The following FBLN1 variants were observed in gnomAD, a reference collection of about 807,000 sequenced individuals.
FBLN1 encodes the protein fibulin 1.
In FBLN1, 34 loss-of-function variants were observed where a neutral mutation model predicts 89.7. The observed-to-expected ratio is 0.38, with a 90% confidence interval of 0.29 to 0.50. The LOEUF is 0.50. Ranked by LOEUF, FBLN1 falls within the 20% of genes least tolerant of loss-of-function variation. The pLI is 0.92. For synonymous variants in FBLN1, 393 were observed against 391.3 expected (o/e 1.00, Z -0.05); for missense variants, 777 against 988.1 (o/e 0.79, Z 2.86).
chr22:45,547,866 G>C (rs2088652443), intron 12 of FBLN1, among the ~76,000 whole-genome samples: 2 of 152,034 alleles, frequency 1.3e-5, no homozygotes, highest in African/African-American at 4.8e-5. Flanking sequence ...ATGGCTGAGA[G>C]GTAAGGAGGG....
At position 45,550,785 on chromosome 22, in the gene FBLN1, C is replaced by T; in HGVS notation, c.1697+170C>T. 1.1e-6 allele frequency: 1 copy of T among 952,280 alleles called. No individual in the cohort carries two copies. Among genetic ancestry groups the T allele is most frequent in the Non-Finnish European group, 1.7e-6 (1 of 605,688 alleles). The allele number at this position is 952,280 out of a possible 1,614,324, so 59.0% of individuals were successfully genotyped here. On this transcript the variant is annotated intron_variant, in intron 14 of 16. Coordinates refer to ENST00000327858, the MANE Select transcript of FBLN1 (RefSeq NM_006486.3). The surrounding 1 kb of genome is among the most constrained non-coding windows in gnomAD (Gnocchi z 8.4). ...CCCTCAAGCCCCTAAATGCTAGTGA[C>T]ACTGGTCTCGGAAAGTCAAGGGGGT...
At chr22:45,508,556 C>T (rs2088056128) in intron 1 of FBLN1, among the ~76,000 whole-genome samples, 1 of 152,190 alleles carries the variant, frequency 6.6e-6, no homozygotes, top group African/African-American at 2.4e-5. Context: ...CCACCGCGCC[C>T]AGCCAGCCTC....
intron 14 of FBLN1, among the ~76,000 whole-genome samples, chr22:45,560,684 A>G (rs1400418945): frequency 6.6e-6 from 1 of 152,150 alleles, no homozygotes; most frequent in Non-Finnish European, 1.5e-5. Context: ...GACACCCTTA[A>G]TATCCATTCT....
At position 45,537,753 on chromosome 22, in the gene FBLN1, C is replaced by T. The variant is rs901169542; in HGVS notation, c.922+2416C>T. 5.9e-5 allele frequency among the ~76,000 whole-genome samples: 9 copies of T among 152,300 alleles called. No individual in the cohort carries two copies. The highest frequency in any genetic ancestry group is 2.1e-4 in the South Asian group (1 of 4,826). On this transcript the variant is annotated intron_variant, in intron 8 of 16. Coordinates refer to ENST00000327858, the MANE Select transcript of FBLN1 (RefSeq NM_006486.3). This position sits in a 1 kb window ranked among gnomAD's most constrained non-coding sequence, Gnocchi z 5.7. ...CCTGGGGGAGACTTCTGAGCTGGGG[C>T]GCTGTGGCTCAGCTGCCAGTTGGCC...
In FBLN1 at chr22:45,578,735, G is replaced by A. The variant is rs1215266296; in HGVS notation, c.1972+1627G>A. On this transcript the variant is annotated intron_variant, in intron 16 of 16. Transcript: ENST00000327858. The surrounding 1 kb of genome is among the most constrained non-coding windows in gnomAD (Gnocchi z 4.6). ...CCCTGTGCTTGATGCTGGGCCTGCA[G>A]TTGTGGCTGGGACATGGCCCTCAGG... Among the ~76,000 whole-genome samples, 1 of 152,260 alleles carries A rather than the reference G, an allele frequency of 6.6e-6. No individual in the cohort carries two copies. The highest frequency in any genetic ancestry group is 1.9e-4 in the East Asian group (1 of 5,198).
rs1452765227 is a variant in FBLN1 at position 45,549,204 on chromosome 22, C to T, written c.1573+460C>T. On this transcript the variant is annotated intron_variant, in intron 13 of 16. Coordinates refer to ENST00000327858, the MANE Select transcript of FBLN1 (RefSeq NM_006486.3). This position sits in a 1 kb window ranked among gnomAD's most constrained non-coding sequence, Gnocchi z 5.7. The stretch of plus-strand genomic sequence containing the variant: ...CCAATGGCATTGGTTCTGCATTCAG[C>T]CCCCTTTTCTACGAATGCTCTAGGG... 6.6e-6 allele frequency among the ~76,000 whole-genome samples: 1 copy of T among 152,206 alleles called. No homozygotes were observed. Among genetic ancestry groups the T allele is most frequent in the Non-Finnish European group, 1.5e-5 (1 of 68,022 alleles).
Position 45,502,955 on chromosome 22 carries a change from G to GCCGCCGCCCACCGC in FBLN1, c.-27_-14dup. On this transcript the variant is annotated 5_prime_UTR_variant, in exon 1 of 17. Coordinates refer to ENST00000327858, the MANE Select transcript of FBLN1 (RefSeq NM_006486.3). The stretch of plus-strand genomic sequence containing the variant: ...CAGGACCGCGCCCGCGCCTTTGTCC[G>GCCGCCGCCCACCGC]CCGCCGCCCACCGCCCGTCGCCCGC... 1.9e-6 allele frequency: 2 copies of GCCGCCGCCCACCGC among 1,040,770 alleles called. No homozygotes were observed. Among genetic ancestry groups the GCCGCCGCCCACCGC allele is most frequent in the Non-Finnish European group, 2.3e-6 (2 of 852,084 alleles). The allele number at this position is 1,040,770 out of a possible 1,614,324, so 64.5% of individuals were successfully genotyped here.
chr22:45,540,195 T>G lies in FBLN1; in HGVS notation c.923-1034T>G, dbSNP rs184920000. On this transcript the variant is annotated intron_variant, in intron 8 of 16. Transcript: ENST00000327858. The stretch of plus-strand genomic sequence containing the variant: ...AGACCCTGATTCTAGACCTAGGCCC[T>G]GGTTGGCCCCTGACTTCAGCCATGA... Among the ~76,000 whole-genome samples, 498 of 152,336 alleles carry G rather than the reference T, an allele frequency of 3.3e-3. 2 individuals carry two copies. Among genetic ancestry groups the G allele is most frequent in the African/African-American group, 0.011 (458 of 41,574 alleles).
chr22:45,564,189 A>ACC (rs1343951500), intron 14 of FBLN1, among the ~76,000 whole-genome samples: 1 of 151,190 alleles, frequency 6.6e-6, no homozygotes, highest in African/African-American at 2.4e-5. Flanking sequence ...GAGGGCCTTA[A>ACC]CCCCCTGCCT....
Position 45,574,989 on chromosome 22 carries a change from C to A in FBLN1, c.1840+336C>A, listed in dbSNP as rs533161912. 2.6e-5 allele frequency among the ~76,000 whole-genome samples: 4 copies of A among 151,886 alleles called. No individual in the cohort carries two copies. The highest frequency in any genetic ancestry group is 1.9e-4 in the East Asian group (1 of 5,134). ...AGTAAAGACGGGGTTTCACCGTGTT[C>A]GCCAGGATGGTCTCAATCTCCTGAC... On this transcript the variant is annotated intron_variant, in intron 15 of 16. Coordinates refer to ENST00000327858, the MANE Select transcript of FBLN1 (RefSeq NM_006486.3). The surrounding 1 kb of genome is among the most constrained non-coding windows in gnomAD (Gnocchi z 4.1).
At position 45,600,418 on chromosome 22, in the gene FBLN1, A is replaced by C; in HGVS notation, c.2084A>C (p.His695Pro). Residue 695 changes from histidine to proline, a missense_variant, in exon 17 of 17, where the codon CAC becomes CCC. Physicochemically the swap from His to Pro is moderately conservative, Grantham distance 77 (BLOSUM62 -2). Coordinates refer to ENST00000327858, the MANE Select transcript of FBLN1 (RefSeq NM_006486.3). Reference sequence around the variant, plus strand: ...TCCCACCGAAATGTTGTCAACGTCCACATCTTCGTCTCTGAGTACTGGTTC... The same window carrying C: ...TCCCACCGAAATGTTGTCAACGTCCCCATCTTCGTCTCTGAGTACTGGTTC... ...VVSHRNVVNV[H>P]IFVSEYWF 1 of 1,614,140 alleles carries C rather than the reference A, an allele frequency of 6.2e-7. No individual in the cohort carries two copies. Among genetic ancestry groups the C allele is most frequent in the Middle Eastern group, 1.6e-4 (1 of 6,062 alleles).
chr22:45,526,967 C>G (rs1029673694), intron 3 of FBLN1, among the ~76,000 whole-genome samples: 2 of 152,222 alleles, frequency 1.3e-5, no homozygotes, highest in Non-Finnish European at 2.9e-5. Flanking sequence ...ACAGATCTCT[C>G]TGGCAGATGA....
At chr22:45,584,028 G>C (rs938734542) in intron 16 of FBLN1, among the ~76,000 whole-genome samples, 1 of 152,186 alleles carries the variant, frequency 6.6e-6, no homozygotes, top group African/African-American at 2.4e-5. Context: ...ATAAGGCAGG[G>C]GCCCCCAGGA....
Position 45,532,444 on chromosome 22 carries a change from G to A in FBLN1, c.545-619G>A, listed in dbSNP as rs136740. On this transcript the variant is annotated intron_variant, in intron 5 of 16. Transcript: ENST00000327858. The surrounding 1 kb of genome is among the most constrained non-coding windows in gnomAD (Gnocchi z 4.2). ...AGGGCCAGAGAGAGGGGCCCTAGAA[G>A]CAGGCAGGCTGGCAGCAGTTAGAAG... Among the ~76,000 whole-genome samples the A allele has an allele frequency of 0.83, 126,024 of 152,052 alleles. 53,091 individuals are homozygous for A. Among genetic ancestry groups the A allele is most frequent in the East Asian group, 0.96 (4,960 of 5,170 alleles).
At position 45,577,140 on chromosome 22, in the gene FBLN1, G is replaced by C; in HGVS notation, c.1972+32G>C. On this transcript the variant is annotated intron_variant, in intron 16 of 16. Transcript: ENST00000327858. This position sits in a 1 kb window ranked among gnomAD's most constrained non-coding sequence, Gnocchi z 6.6. ...GGCTGGGAATATCAGCTCTATCCAGGCACCCCTCCCCCTCCACCCCGAAAC... is the reference window on the plus strand; with the variant it reads ...GGCTGGGAATATCAGCTCTATCCAGCCACCCCTCCCCCTCCACCCCGAAAC... 1 of 1,612,424 alleles carries C rather than the reference G, an allele frequency of 6.2e-7. No homozygotes were observed. The highest frequency in any genetic ancestry group is 2.2e-5 in the East Asian group (1 of 44,844).
chr22:45,531,373 G>A lies in FBLN1; in HGVS notation c.544+49G>A, dbSNP rs754443811. On this transcript the variant is annotated intron_variant, in intron 5 of 16. Transcript: ENST00000327858. This position sits in a 1 kb window ranked among gnomAD's most constrained non-coding sequence, Gnocchi z 4.9. ...AGTTGGTATTTAAACAAACCCCAAG[G>A]GGCCAGCAAGGTGGCTCAGGCCTGT... The A allele has an allele frequency of 2.4e-5, 37 of 1,533,934 alleles. No homozygotes were observed. The highest frequency in any genetic ancestry group is 3.2e-5 in the Non-Finnish European group (35 of 1,107,602).
chr22:45,596,120 C>T (rs370265317), intron 16 of FBLN1, among the ~76,000 whole-genome samples: 15 of 152,356 alleles, frequency 9.8e-5, no homozygotes, highest in African/African-American at 2.9e-4. Context: ...CCGCCCGCCT[C>T]GGCCTCCCAA....
chr22:45,504,197 A>T (rs955347392), intron 1 of FBLN1, among the ~76,000 whole-genome samples: 2 of 120,266 alleles, frequency 1.7e-5, no homozygotes, highest in African/African-American at 3.2e-5. Context: ...GGGGGATTCC[A>T]GGAAGGGGGC....
chr22:45,546,020 C>T (rs1024427042), intron 11 of FBLN1, among the ~76,000 whole-genome samples: 3 of 152,096 alleles, frequency 2.0e-5, no homozygotes, highest in Admixed American at 6.5e-5. Flanking sequence ...TGGTGGTGCA[C>T]ACCTGTAATC....
Sources: allele counts gnomAD v4.1 joint callset (sites outside exome capture counted in the v4.1 genomes callset), GRCh38; gene constraint gnomAD v4.1.1; non-coding constraint Gnocchi (gnomAD v3.1); transcripts MANE v1.5; gene names NCBI Gene and HGNC (gene_info 2026-07-23, HGNC 2026-07-21).